The following LPP variants were observed in gnomAD, a reference collection of about 807,000 sequenced individuals.
LPP encodes lipoma-preferred partner.
In LPP, 38 loss-of-function variants were observed where a neutral mutation model predicts 60.4. The observed-to-expected ratio is 0.63, with a 90% CI of 0.49 to 0.83. The LOEUF (loss-of-function observed/expected upper bound fraction) is 0.83. Among genes scored for constraint, LPP ranks in the 40% least tolerant of loss-of-function variants. LPP has a pLI of 0.00. For missense variants in LPP, 902 were observed against 783.6 expected (o/e 1.15, Z -1.80); for synonymous variants, 328 against 290.8 (o/e 1.13, Z -1.30).
chr3:188,241,651 A>G (rs1724885315), intron 2 of LPP, among the ~76,000 whole-genome samples: 2 of 152,310 alleles, frequency 1.3e-5, no homozygotes, highest in South Asian at 2.1e-4. Context: ...GAAAAATAAA[A>G]GATTTCCTTC....
chr3:188,484,930 A>G (rs1435392066), intron 5 of LPP, among the ~76,000 whole-genome samples: 1 of 152,188 alleles, frequency 6.6e-6, no homozygotes, highest in East Asian at 1.9e-4. Context: ...GAAGCCCTCA[A>G]AATACTTTTG....
intron 5 of LPP, among the ~76,000 whole-genome samples, chr3:188,501,441 C>T (rs976653993): frequency 5.3e-5 from 8 of 152,000 alleles, no homozygotes; most frequent in African/African-American, 1.7e-4. Flanking sequence ...AGTGAAACCC[C>T]ATCTCTACTA....
At chr3:188,862,730 AATAAAT>A (rs1765531546) in intron 9 of LPP, among the ~76,000 whole-genome samples, 2 of 138,796 alleles carry the variant, frequency 1.4e-5, no homozygotes, top group African/African-American at 2.9e-5. Context: ...TAAATAAATA[AATAAAT>A]AAAAGAAAAA....
intron 2 of LPP, among the ~76,000 whole-genome samples, chr3:188,313,636 CAAAA>C (rs57034070): frequency 8.7e-6 from 1 of 114,938 alleles, no homozygotes; most frequent in Non-Finnish European, 1.9e-5. Context: ...GACTCCGTCT[CAAAA>C]AAAAAAAAAA....
At chr3:188,341,829 T>A (rs556585125) in intron 3 of LPP, 110 bp downstream of exon 3, 26 of 304,388 alleles carry the variant, frequency 8.5e-5, no homozygotes, top group Admixed American at 4.5e-4. Context: ...AAGTACTTTA[T>A]GAGGAAAAGA....
At chr3:188,619,079 C>T (rs1345160637) in intron 7 of LPP, among the ~76,000 whole-genome samples, 1 of 152,092 alleles carries the variant, frequency 6.6e-6, no homozygotes, top group African/African-American at 2.4e-5. Flanking sequence ...GGCTGGAGTG[C>T]AGTGGTGCAA....
intron 6 of LPP, among the ~76,000 whole-genome samples, chr3:188,533,728 A>T (rs1463200120): frequency 6.6e-6 from 1 of 152,154 alleles, no homozygotes; most frequent in African/African-American, 2.4e-5. Flanking sequence ...TACTTAGAGG[A>T]TCTGTGTTGT....
chr3:188,557,847 A>C (rs970229544), intron 6 of LPP, among the ~76,000 whole-genome samples: 7 of 152,122 alleles, frequency 4.6e-5, no homozygotes, highest in African/African-American at 1.7e-4. Flanking sequence ...AGACATCAGA[A>C]GACACAAGAG....
At chr3:188,206,685 A>G (rs1474638869) in intron 1 of LPP, among the ~76,000 whole-genome samples, 1 of 152,208 alleles carries the variant, frequency 6.6e-6, no homozygotes, top group African/African-American at 2.4e-5. Flanking sequence ...AATCTGGGCG[A>G]TGAGAAAGAA....
At chr3:188,606,657 G>GT (rs150672110) in intron 6 of LPP, among the ~76,000 whole-genome samples, 3,097 of 152,096 alleles carry the variant, frequency 0.02, 102 homozygotes, top group African/African-American at 0.072. Context: ...ATTAAAATAT[G>GT]TATGTTCAAG....
intron 3 of LPP, among the ~76,000 whole-genome samples, chr3:188,374,016 G>A (rs1018358762): frequency 1.3e-5 from 2 of 152,132 alleles, no homozygotes; most frequent in South Asian, 2.1e-4. Flanking sequence ...TCAGATAGTT[G>A]TAGATATGCG....
At chr3:188,346,249 A>ATTT (rs1764321005) in intron 3 of LPP, among the ~76,000 whole-genome samples, 2 of 124,228 alleles carry the variant, frequency 1.6e-5, no homozygotes, top group African/African-American at 7.2e-5. Context: ...AAAGTAGCAA[A>ATTT]TCTTTTTTTT....
chr3:188,475,771 C>T (rs1319345113), intron 4 of LPP, among the ~76,000 whole-genome samples: 3 of 152,056 alleles, frequency 2.0e-5, no homozygotes, highest in South Asian at 2.1e-4. Flanking sequence ...GGCGTGGTGG[C>T]GGGCGCCTGT....
intron 7 of LPP, among the ~76,000 whole-genome samples, chr3:188,697,951 C>T (rs761043081): frequency 6.6e-6 from 1 of 151,550 alleles, no homozygotes; most frequent in Non-Finnish European, 1.5e-5. Context: ...TTAATAAAAT[C>T]TTATTTTGAG....
At chr3:188,385,265 C>T (rs1777973198) in intron 3 of LPP, among the ~76,000 whole-genome samples, 1 of 152,106 alleles carries the variant, frequency 6.6e-6, no homozygotes, top group African/African-American at 2.4e-5. Context: ...TATTTATGAA[C>T]TTTACAAAAT....
intron 4 of LPP, among the ~76,000 whole-genome samples, chr3:188,426,504 C>T (rs1789381139): frequency 6.6e-6 from 1 of 152,044 alleles, no homozygotes; most frequent in South Asian, 2.1e-4. Flanking sequence ...TCCTTGATAT[C>T]CTTGTTAACC....
intron 7 of LPP, among the ~76,000 whole-genome samples, chr3:188,686,525 G>C (rs182762161): frequency 5.3e-5 from 8 of 152,280 alleles, no homozygotes; most frequent in African/African-American, 1.9e-4. Context: ...GACTTCCTAT[G>C]TTTAACTTGC....
At position 188,572,725 on chromosome 3, in the gene LPP, G is replaced by A. The variant is rs1045393325; in HGVS notation, c.430-36436G>A. Among the ~76,000 whole-genome samples the A allele has an allele frequency of 4.6e-5, 7 of 152,016 alleles. No individual in the cohort carries two copies. The highest frequency in any genetic ancestry group is 1.4e-4 in the African/African-American group (6 of 41,392). On this transcript the variant is annotated intron_variant, in intron 6 of 11. Transcript: ENST00000617246. This position sits in a 1 kb window ranked among gnomAD's most constrained non-coding sequence, Gnocchi z 4.1. ...AAATCCAAGTAAGAATTATTAGTTA[G>A]GATAGTTCAGGTAGTGCTGTAGTAA...
intron 4 of LPP, among the ~76,000 whole-genome samples, chr3:188,445,509 G>C (rs1795018424): frequency 6.6e-6 from 1 of 152,052 alleles, no homozygotes. Flanking sequence ...GACTAGGGAG[G>C]GATAGCATTA....
Sources: allele counts gnomAD v4.1 joint callset (sites outside exome capture counted in the v4.1 genomes callset), GRCh38; gene constraint gnomAD v4.1.1; non-coding constraint Gnocchi (gnomAD v3.1); transcripts MANE v1.5; gene names NCBI Gene and HGNC (gene_info 2026-07-23, HGNC 2026-07-21).